PRDM10: variants seen among roughly 807,000 people sequenced by gnomAD.
The protein encoded by PRDM10 is PR/SET domain 10.
Under a neutral mutation model 133.1 loss-of-function variants are expected in PRDM10, and 65 were observed. That is an observed-to-expected ratio of 0.49 (90% CI 0.40 to 0.60). The LOEUF (loss-of-function observed/expected upper bound fraction) is 0.60. Ranked by LOEUF, PRDM10 falls within the 20% of genes least tolerant of loss-of-function variation. The pLI is 0.00. For missense variants in PRDM10, 1,137 were observed against 1,507.1 expected (o/e 0.75, Z 4.07); for synonymous variants, 582 against 580.4 (o/e 1.00, Z -0.04).
intron 17 of PRDM10, among the ~76,000 whole-genome samples, chr11:129,912,522 C>A (rs1301016426): frequency 6.6e-6 from 1 of 152,164 alleles, no homozygotes; most frequent in Non-Finnish European, 1.5e-5. Flanking sequence ...GAGGCCAAGG[C>A]GGGTGGATCA....
chr11:129,925,327 C>A, intron 11 of PRDM10, 98 bp from the exon 12 acceptor site: 1 of 1,144,322 alleles, frequency 8.7e-7, no homozygotes, highest in Admixed American at 2.9e-5. Context: ...TCTGCAATCA[C>A]AGACTTCCCA....
intron 1 of PRDM10, among the ~76,000 whole-genome samples, chr11:129,998,985 GCTAA>G (rs1939205050): frequency 6.6e-6 from 1 of 151,954 alleles, no homozygotes; most frequent in Non-Finnish European, 1.5e-5. Flanking sequence ...ACCACACCTG[GCTAA>G]CTTTTTTGTT....
rs1300038195 is a variant in PRDM10, at chr11:129,923,586, A to G, written c.1879-183T>C. On this transcript the variant is annotated intron_variant, in intron 12 of 20. Transcript: ENST00000360871. This position sits in a 1 kb window ranked among gnomAD's most constrained non-coding sequence, Gnocchi z 4.4. ...CACATACTGTCCCTGTCACAAAGAA[A>G]TAAAACAAGTAGCCAGAAAGCCTTA... is the stretch of plus-strand genomic sequence containing the variant. Among the ~76,000 whole-genome samples the G allele has an allele frequency of 6.6e-6, 1 of 151,530 alleles. No homozygotes were observed. Among genetic ancestry groups the G allele is most frequent in the African/African-American group, 2.4e-5 (1 of 41,192 alleles).
intron 6 of PRDM10, 144 bp downstream of exon 6, chr11:129,944,627 T>A (rs951705793): frequency 1.6e-6 from 2 of 1,240,392 alleles, no homozygotes; most frequent in Non-Finnish European, 2.2e-6. Flanking sequence ...TATTAGTGAG[T>A]TTCCATTTAA....
rs141397814 is a variant in PRDM10 at position 129,912,108 on chromosome 11, C to T, written c.2959G>A (p.Ala987Thr). The change falls in exon 18 of 21, where the codon GCC becomes ACC. Residue 987 changes from alanine to threonine, a missense_variant. Transcript: ENST00000360871. ...ACCTGGGCGGAGGACGGGGCCGAGG[C>T]GGTAGGCTCGCTGACCTGGATGTGC... ...VQHIQVSEPT[A>T]SAPSSAQVSG... 113 of 1,610,934 alleles carry T rather than the reference C, an allele frequency of 7.0e-5. No individual in the cohort carries two copies. In the Middle Eastern group the frequency reaches 2.8e-3, roughly 40 times the overall value.
rs1203567909 is a variant in PRDM10, at chr11:129,902,406, G to C, written c.3378C>G (p.Pro1126=). The C allele has an allele frequency of 1.2e-6, 2 of 1,614,164 alleles. No homozygotes were observed. The highest frequency in any genetic ancestry group is 1.6e-4 in the Middle Eastern group (1 of 6,062). ...EPPAHSDSLD[P]QTNSQQQTTQ... is the part of the protein sequence containing the mutation. ...TGGTCTGCTGTTGGCTGTTGGTCTG[G>C]GGGTCCAGGGAGTCACTGTGTGCAG... Residue 1126 remains proline, a synonymous_variant, in exon 21 of 21, where the codon CCC becomes CCG. Coordinates refer to ENST00000360871, the MANE Select transcript of PRDM10 (RefSeq NM_199437.2).
chr11:129,925,064 T>G lies in PRDM10; in HGVS notation c.1696A>C (p.Ile566Leu). The change falls in exon 12 of 21, where the codon ATC becomes CTC. Residue 566 changes from isoleucine to leucine, a missense_variant. Transcript: ENST00000360871. The part of the protein sequence containing the change: ...LTCDLCNKGF[I>L]SSTSLESHMK... ...TGGCTCTCCAAGGATGTGCTGCTGA[T>G]GAAGCCCTTGTTACAGAGATCACAG... The G allele has an allele frequency of 6.2e-7, 1 of 1,614,238 alleles. No homozygotes were observed. Among genetic ancestry groups the G allele is most frequent in the Non-Finnish European group, 8.5e-7 (1 of 1,180,040 alleles).
chr11:129,933,368 C>T (rs148069824), intron 9 of PRDM10, among the ~76,000 whole-genome samples: 1 of 152,282 alleles, frequency 6.6e-6, no homozygotes, highest in Non-Finnish European at 1.5e-5. Context: ...TATATCCCCA[C>T]CACTTGCCCA....
At chr11:129,932,041 A>G in intron 10 of PRDM10, 61 bp downstream of exon 10, 1 of 1,561,984 alleles carries the variant, frequency 6.4e-7, no homozygotes, top group Non-Finnish European at 8.7e-7. Flanking sequence ...AGGTCTCGTC[A>G]GGGATCTGGC....
At chr11:129,964,604 C>T (rs1370749411) in intron 1 of PRDM10, among the ~76,000 whole-genome samples, 1 of 152,300 alleles carries the variant, frequency 6.6e-6, no homozygotes, top group Admixed American at 6.5e-5. Flanking sequence ...AATATCATAC[C>T]TTTCATATTG....
chr11:129,990,733 A>G (rs1019057689), intron 1 of PRDM10, among the ~76,000 whole-genome samples: 3 of 151,944 alleles, frequency 2.0e-5, no homozygotes, highest in African/African-American at 7.2e-5. Flanking sequence ...CGGCCCCCCA[A>G]AGTGCTGGGA....
In PRDM10 at chr11:129,932,155, T is replaced by A. The variant is rs749333068; in HGVS notation, c.1234A>T (p.Ile412Phe). 6.2e-7 allele frequency: 1 copy of A among 1,614,094 alleles called. No homozygotes were observed. Among genetic ancestry groups the A allele is most frequent in the Non-Finnish European group, 8.5e-7 (1 of 1,180,000 alleles). ...TTTTCGCTGGTGATTTCCAGGCGGA[T>A]AAATTTTGGAGGACGCCCCGGCCGT... The part of the protein sequence containing the change: ...GRRPGRPPKF[I>F]RLEITSENGE... Residue 412 changes from isoleucine (I) to phenylalanine (F), a missense_variant, in exon 10 of 21, where the codon ATC (isoleucine) becomes TTC (phenylalanine). Physicochemically the swap from Ile to Phe is conservative, Grantham distance 21 (BLOSUM62 0). Transcript: ENST00000360871.
At chr11:129,989,209 G>A (rs1004732902) in intron 1 of PRDM10, among the ~76,000 whole-genome samples, 52 of 152,148 alleles carry the variant, frequency 3.4e-4, no homozygotes, top group African/African-American at 1.2e-3. Context: ...GGAGGCTGAG[G>A]GGGGATGATG....
At chr11:129,940,548 A>C (rs1161122934) in intron 7 of PRDM10, among the ~76,000 whole-genome samples, 1 of 152,208 alleles carries the variant, frequency 6.6e-6, no homozygotes, top group African/African-American at 2.4e-5. Context: ...AAAAATTATT[A>C]ATGTTGAAAA....
At position 129,931,077 on chromosome 11, in the gene PRDM10, C is replaced by T; in HGVS notation, c.1469G>A (p.Ser490Asn). The T allele has an allele frequency of 6.2e-7, 1 of 1,614,202 alleles. No individual in the cohort carries two copies. Among genetic ancestry groups the T allele is most frequent in the Non-Finnish European group, 8.5e-7 (1 of 1,180,026 alleles). Residue 490 changes from serine (S) to asparagine (N), a missense_variant, in exon 11 of 21, where the codon AGC becomes AAC. By Grantham distance (46) the Ser-to-Asn change is conservative (BLOSUM62 1). Around this residue, in one of 6 missense-constraint regions of PRDM10, gnomAD observed 635 missense variants for 835.2 expected, o/e 0.76. Transcript: ENST00000360871. ...TLHLQPQHEE[S>N]VVPTQSTLTA... ...CAGCGTGCTCTGGGTGGGCACCACG[C>T]TCTCTTCATGCTGCGGCTGCAGGTG...
intron 12 of PRDM10, among the ~76,000 whole-genome samples, chr11:129,924,530 G>C (rs1398239314): frequency 6.6e-6 from 1 of 152,188 alleles, no homozygotes; most frequent in African/African-American, 2.4e-5. Flanking sequence ...GTAGTAGGGA[G>C]ATGTTCCCAG....
chr11:129,987,442 T>C (rs1421403717), intron 1 of PRDM10, among the ~76,000 whole-genome samples: 2 of 152,194 alleles, frequency 1.3e-5, no homozygotes, highest in Non-Finnish European at 2.9e-5. Flanking sequence ...GGTGAGAATG[T>C]AAAACACTGC....
rs981407093 is a variant in PRDM10 at position 129,945,141 on chromosome 11, G to A, written c.521-129C>T. 1 of 1,118,666 alleles carries A rather than the reference G, an allele frequency of 8.9e-7. No individual in the cohort carries two copies. Among genetic ancestry groups the A allele is most frequent in the Non-Finnish European group, 1.3e-6 (1 of 772,276 alleles). 69.3% of individuals were successfully genotyped at this position (1,118,666 alleles called of 1,614,324 possible). ...CAAAATTCAATGAACTCCTAATGGC[G>A]CTACCCATTCAACGGTAATACATTC... On this transcript the variant is annotated intron_variant, in intron 5 of 20. Transcript: ENST00000360871. This position sits in a 1 kb window ranked among gnomAD's most constrained non-coding sequence, Gnocchi z 4.2.
chr11:129,971,210 A>C (rs544305081), intron 1 of PRDM10, among the ~76,000 whole-genome samples: 65 of 152,284 alleles, frequency 4.3e-4, no homozygotes, highest in African/African-American at 1.4e-3. Flanking sequence ...ATATATTGCA[A>C]AGAGCAAAAG....
Sources: allele counts gnomAD v4.1 joint callset (sites outside exome capture counted in the v4.1 genomes callset), GRCh38; gene constraint gnomAD v4.1.1; regional missense constraint gnomAD v4.1.1; non-coding constraint Gnocchi (gnomAD v3.1); transcripts MANE v1.5; gene names NCBI Gene and HGNC (gene_info 2026-07-23, HGNC 2026-07-21).